The following YPEL2 variants were observed in gnomAD, a reference collection of about 807,000 sequenced individuals.
YPEL2 encodes the protein protein yippee-like 2.
In YPEL2, 2 loss-of-function variants were observed where a neutral mutation model predicts 19.1. The ratio of observed to expected loss-of-function variants is 0.10; its 90% CI spans 0.04 to 0.33. The LOEUF is 0.33. Among genes scored for constraint, YPEL2 ranks in the 10% least tolerant of loss-of-function variants. The probability of loss-of-function intolerance (pLI) is 1.00; values close to 1 mark genes in which losing one functional copy is unlikely to be tolerated. For synonymous variants in YPEL2, 52 were observed against 50.0 expected, an observed-to-expected ratio of 1.04 and a Z score of -0.17; for missense variants, 66 against 140.7, an observed-to-expected ratio of 0.47 and a Z score of 2.68.
At chr17:59,388,701 G>A in intron 3 of YPEL2, 1 of 329,964 alleles carries the variant, frequency 3.0e-6, no homozygotes, top group Non-Finnish European at 5.6e-6. Context: ...AAGAGAATAT[G>A]GGTGAAAAAG....
intron 1 of YPEL2, among the ~76,000 whole-genome samples, chr17:59,352,951 A>G (rs1197102561): frequency 1.3e-5 from 2 of 152,090 alleles, no homozygotes; most frequent in Non-Finnish European, 2.9e-5. Flanking sequence ...CTGCCTGGGA[A>G]TGATGATAAT....
chr17:59,385,299 G>GTGACTCA (rs1463434470), intron 2 of YPEL2, among the ~76,000 whole-genome samples: 1 of 152,264 alleles, frequency 6.6e-6, no homozygotes, highest in Non-Finnish European at 1.5e-5. Flanking sequence ...ACTGGACGCA[G>GTGACTCA]TGACTCACAT....
At chr17:59,390,908 C>G (rs1183391408) in intron 4 of YPEL2, among the ~76,000 whole-genome samples, 1 of 152,214 alleles carries the variant, frequency 6.6e-6, no homozygotes, top group Admixed American at 6.5e-5. Flanking sequence ...TTTCCTCATA[C>G]TTACAGAGTT....
At chr17:59,390,675 G>A (rs574569284) in intron 4 of YPEL2, among the ~76,000 whole-genome samples, 44 of 152,306 alleles carry the variant, frequency 2.9e-4, no homozygotes, top group African/African-American at 1.0e-3. Context: ...GCAGTCCTTT[G>A]CCAGAGTGAG....
intron 4 of YPEL2, among the ~76,000 whole-genome samples, chr17:59,396,656 C>T (rs767173670): frequency 4.6e-5 from 7 of 152,206 alleles, no homozygotes; most frequent in African/African-American, 1.7e-4. Flanking sequence ...GGAATCATCT[C>T]GCTGAGTCAA....
intron 1 of YPEL2, among the ~76,000 whole-genome samples, chr17:59,349,717 G>C (rs1174067752): frequency 6.6e-6 from 1 of 152,138 alleles, no homozygotes; most frequent in African/African-American, 2.4e-5. Context: ...CTGGAGTGCA[G>C]TGGCACGATC....
chr17:59,344,939 A>G (rs929688636), intron 1 of YPEL2, among the ~76,000 whole-genome samples: 2 of 152,188 alleles, frequency 1.3e-5, no homozygotes, highest in East Asian at 3.9e-4. Context: ...TTTGTGGAAG[A>G]CAATTTTTCC....
At chr17:59,337,922 G>A (rs574653761) in intron 1 of YPEL2, among the ~76,000 whole-genome samples, 1 of 152,282 alleles carries the variant, frequency 6.6e-6, no homozygotes, top group Non-Finnish European at 1.5e-5. Flanking sequence ...CTACTGCTGC[G>A]CATTCTGGAA....
intron 2 of YPEL2, among the ~76,000 whole-genome samples, chr17:59,377,304 T>C (rs1242710150): frequency 6.6e-6 from 1 of 152,236 alleles, no homozygotes; most frequent in Non-Finnish European, 1.5e-5. Context: ...CCCGATGGCT[T>C]TGAGAGACAT....
At chr17:59,366,341 C>G (rs551563270) in intron 2 of YPEL2, among the ~76,000 whole-genome samples, 2 of 152,262 alleles carry the variant, frequency 1.3e-5, no homozygotes, top group African/African-American at 4.8e-5. Flanking sequence ...GAAGACCCAG[C>G]ACCTGAAAAA....
At chr17:59,336,145 T>G (rs993999840) in intron 1 of YPEL2, among the ~76,000 whole-genome samples, 1 of 152,238 alleles carries the variant, frequency 6.6e-6, no homozygotes, top group African/African-American at 2.4e-5. Context: ...GAACCAAGGT[T>G]TAGAATCTCT....
chr17:59,393,468 C>A (rs2048018630), intron 4 of YPEL2, among the ~76,000 whole-genome samples: 1 of 146,630 alleles, frequency 6.8e-6, no homozygotes, highest in Admixed American at 6.7e-5. Context: ...AACTCATTTT[C>A]TTTTTTTTTA....
At chr17:59,379,918 T>C (rs1428843908) in intron 2 of YPEL2, among the ~76,000 whole-genome samples, 1 of 148,508 alleles carries the variant, frequency 6.7e-6, no homozygotes, top group Non-Finnish European at 1.5e-5. Flanking sequence ...TAGAGTGCAG[T>C]GGTGTGACCT....
chr17:59,334,604 ACACG>A (rs1222259887), intron 1 of YPEL2, among the ~76,000 whole-genome samples: 7 of 146,120 alleles, frequency 4.8e-5, no homozygotes, highest in African/African-American at 1.5e-4. Flanking sequence ...ACACACACAC[ACACG>A]CCTGATGCAG....
At chr17:59,382,063 T>G (rs1268428944) in intron 2 of YPEL2, among the ~76,000 whole-genome samples, 2 of 152,322 alleles carry the variant, frequency 1.3e-5, no homozygotes, top group African/African-American at 2.4e-5. Flanking sequence ...CATGGCTGTT[T>G]TTCTCATCAT....
chr17:59,393,970 C>T (rs181005154), intron 4 of YPEL2, among the ~76,000 whole-genome samples: 1 of 152,254 alleles, frequency 6.6e-6, no homozygotes, highest in African/African-American at 2.4e-5. Flanking sequence ...ACCTTTCCCC[C>T]TTTTCTATTC....
chr17:59,386,338 A>G (rs1230068157), intron 2 of YPEL2, among the ~76,000 whole-genome samples: 1 of 151,896 alleles, frequency 6.6e-6, no homozygotes, highest in Non-Finnish European at 1.5e-5. Context: ...GGAAAAAAAA[A>G]AGGAAAGAAA....
At chr17:59,345,510 TAG>T (rs1222939856) in intron 1 of YPEL2, among the ~76,000 whole-genome samples, 2 of 152,136 alleles carry the variant, frequency 1.3e-5, no homozygotes, top group East Asian at 3.9e-4. Context: ...CTGAGATTAG[TAG>T]AGTCAGTGTA....
intron 1 of YPEL2, among the ~76,000 whole-genome samples, chr17:59,341,745 C>G (rs2047732355): frequency 6.6e-6 from 1 of 152,146 alleles, no homozygotes; most frequent in Non-Finnish European, 1.5e-5. Context: ...GGTGGAAGCA[C>G]TTTTAAGAAG....
Sources: allele counts gnomAD v4.1 joint callset (sites outside exome capture counted in the v4.1 genomes callset), GRCh38; gene constraint gnomAD v4.1.1; transcripts MANE v1.5; gene names NCBI Gene and HGNC (gene_info 2026-07-23, HGNC 2026-07-21).